LRP1B: variants seen among roughly 807,000 people sequenced by gnomAD.
The protein encoded by LRP1B is low-density lipoprotein receptor-related protein 1B.
In LRP1B, 217 loss-of-function variants were observed where a neutral mutation model predicts 556.6. That is an observed-to-expected ratio of 0.39 (90% CI 0.35 to 0.44). LRP1B has a LOEUF of 0.44. LRP1B is among the 20% of genes least tolerant of loss of function. The pLI is 1.00. For missense variants in LRP1B, 5,053 were observed against 5,620.8 expected, an observed-to-expected ratio of 0.90 and a Z score of 3.23; for synonymous variants, 2,047 against 1,865.8, an observed-to-expected ratio of 1.10 and a Z score of -2.50.
intron 2 of LRP1B, among the ~76,000 whole-genome samples, chr2:141,740,746 C>T (rs1161824877): frequency 6.6e-6 from 1 of 152,258 alleles, no homozygotes; most frequent in Non-Finnish European, 1.5e-5. Context: ...GCATTGGAGA[C>T]GTTCTGTTAA....
intron 66 of LRP1B, among the ~76,000 whole-genome samples, chr2:140,391,154 G>A (rs911402429): frequency 1.3e-5 from 2 of 151,888 alleles, no homozygotes; most frequent in African/African-American, 4.8e-5. Flanking sequence ...ATTCAAATTG[G>A]AATATATTCA....
At chr2:142,045,523 G>A (rs1354283894) in intron 1 of LRP1B, among the ~76,000 whole-genome samples, 3 of 151,804 alleles carry the variant, frequency 2.0e-5, no homozygotes, top group Non-Finnish European at 4.4e-5. Flanking sequence ...ATTAGGTGAT[G>A]TATGCAATTG....
chr2:141,253,751 A>G (rs1238646557), intron 4 of LRP1B, among the ~76,000 whole-genome samples: 1 of 151,986 alleles, frequency 6.6e-6, no homozygotes. Context: ...GGCTCTGGCA[A>G]TGCAGCAATC....
chr2:140,903,896 A>C (rs1694174824), intron 22 of LRP1B, among the ~76,000 whole-genome samples: 1 of 152,004 alleles, frequency 6.6e-6, no homozygotes, highest in Non-Finnish European at 1.5e-5. Flanking sequence ...TACATATATA[A>C]TTACATGATT....
At chr2:140,941,481 G>T (rs907313758) in intron 20 of LRP1B, among the ~76,000 whole-genome samples, 1 of 152,142 alleles carries the variant, frequency 6.6e-6, no homozygotes, top group Non-Finnish European at 1.5e-5. Context: ...CCAGACCTAA[G>T]CAAGGGAGCA....
chr2:140,828,332 G>A (rs539955664), intron 31 of LRP1B, among the ~76,000 whole-genome samples: 72 of 152,096 alleles, frequency 4.7e-4, no homozygotes, highest in South Asian at 1.0e-3. Context: ...ACAAAGGGCC[G>A]GGCGCGGTGG....
chr2:142,078,369 T>C (rs1705587664), intron 1 of LRP1B, among the ~76,000 whole-genome samples: 1 of 152,170 alleles, frequency 6.6e-6, no homozygotes, highest in Admixed American at 6.5e-5. Flanking sequence ...CCTCATTTCA[T>C]GTCAAATATA....
intron 79 of LRP1B, among the ~76,000 whole-genome samples, chr2:140,332,300 C>A (rs965082139): frequency 6.7e-6 from 1 of 150,108 alleles, no homozygotes. Flanking sequence ...TCTGCATATG[C>A]CTCATTTTTT....
chr2:141,544,405 CCTCCTCCTT>C lies in LRP1B; in HGVS notation c.206-63881_206-63873del, dbSNP rs1372107441. Among the ~76,000 whole-genome samples, 152 of 65,914 alleles carry C rather than the reference CCTCCTCCTT, an allele frequency of 2.3e-3. 8 individuals carry two copies. Among genetic ancestry groups the C allele is most frequent in the African/African-American group, 3.2e-3 (70 of 22,072 alleles). The allele number at this position is 65,914 out of a possible 152,430, so 43.2% of individuals were successfully genotyped here. A position where few individuals can be genotyped will look rare whatever the true frequency, so the allele number is the denominator to read the frequency against. On this transcript the variant is annotated intron_variant, in intron 2 of 90. Transcript: ENST00000389484. ...TTCTCCTCCTCCTCCTCCTCCTCCTCCTCCTCCTTCTCCTCCTTCTCCTCCTTCTCCTCC... is the reference window on the plus strand; with the variant it reads ...TTCTCCTCCTCCTCCTCCTCCTCCTCCTCCTCCTTCTCCTCCTTCTCCTCC...
At chr2:141,621,203 A>G (rs1457398359) in intron 2 of LRP1B, among the ~76,000 whole-genome samples, 1 of 152,178 alleles carries the variant, frequency 6.6e-6, no homozygotes, top group Non-Finnish European at 1.5e-5. Flanking sequence ...ATCAATGCTC[A>G]TATTGTTACT....
intron 1 of LRP1B, among the ~76,000 whole-genome samples, chr2:141,960,956 C>CT (rs982883339): frequency 8.6e-5 from 13 of 151,644 alleles, no homozygotes; most frequent in Admixed American, 2.0e-4. Flanking sequence ...ATCAGCTCAG[C>CT]TTTTTTTATT....
In LRP1B at chr2:140,488,688, G is replaced by T. The variant is rs147429146; in HGVS notation, c.9121-949C>A. 1.8e-3 allele frequency among the ~76,000 whole-genome samples: 268 copies of T among 152,086 alleles called. 2 individuals carry two copies. Among genetic ancestry groups the T allele is most frequent in the African/African-American group, 5.6e-3 (231 of 41,530 alleles). ...ATTAATATATACATTCTATTGATTA[G>T]AAAATAATGTTATAGACATTTGGCA... On this transcript the variant is annotated intron_variant, in intron 57 of 90. Transcript: ENST00000389484.
At chr2:140,373,503 T>G (rs1169382449) in intron 68 of LRP1B, among the ~76,000 whole-genome samples, 2 of 152,168 alleles carry the variant, frequency 1.3e-5, no homozygotes, top group Non-Finnish European at 2.9e-5. Context: ...AAAAAAAATT[T>G]TATGGCTTCA....
In LRP1B at chr2:140,495,569, G is replaced by T; in HGVS notation, c.9030C>A (p.Leu3010=). ...QPDNPNGCKS[L]SDEEPFLILA... The stretch of plus-strand genomic sequence containing the variant: ...TGGGCAAGTTCAATTCGATACCTGA[G>T]AGCGATTTGCAGCCATTTGGGTTAT... Residue 3010 remains leucine, a synonymous_variant, in exon 56 of 91, where the codon CTC becomes CTA. Coordinates refer to ENST00000389484, the MANE Select transcript of LRP1B (RefSeq NM_018557.3). The T allele has an allele frequency of 6.3e-7, 1 of 1,581,028 alleles. No individual in the cohort carries two copies. The highest frequency in any genetic ancestry group is 8.7e-7 in the Non-Finnish European group (1 of 1,154,862).
chr2:141,484,578 A>G (rs1286320210), intron 2 of LRP1B, among the ~76,000 whole-genome samples: 1 of 152,160 alleles, frequency 6.6e-6, no homozygotes, highest in Admixed American at 6.5e-5. Flanking sequence ...CACGATATTG[A>G]TTCTTCTTAC....
chr2:140,597,997 A>T (rs1454575153), intron 43 of LRP1B, among the ~76,000 whole-genome samples: 1 of 152,124 alleles, frequency 6.6e-6, no homozygotes, highest in East Asian at 1.9e-4. Flanking sequence ...AGATCTAACC[A>T]CTGAGGTTCC....
chr2:140,787,432 T>A (rs993429166), intron 32 of LRP1B, among the ~76,000 whole-genome samples: 11 of 152,126 alleles, frequency 7.2e-5, no homozygotes, highest in Admixed American at 7.2e-4. Context: ...AGTTTACTAG[T>A]CCCCAAGAGG....
intron 16 of LRP1B, chr2:140,992,788 A>T (rs981113164): frequency 6.6e-6 from 1 of 152,074 alleles, no homozygotes; most frequent in African/African-American, 2.4e-5. Context: ...GTTCCTCTCC[A>T]AAAATCTTGA....
chr2:140,489,218 C>T (rs1211020354), intron 57 of LRP1B, among the ~76,000 whole-genome samples: 1 of 151,908 alleles, frequency 6.6e-6, no homozygotes, highest in Non-Finnish European at 1.5e-5. Context: ...TTTTATTTAG[C>T]TTAAAATGAG....
Sources: gnomAD v4.1 joint callset for allele counts (sites outside exome capture counted in the v4.1 genomes callset) on GRCh38, gnomAD v4.1.1 for gene constraint, MANE v1.5 for transcripts, NCBI Gene and HGNC (gene_info 2026-07-23, HGNC 2026-07-21) for gene names.